USP35: variants seen among roughly 807,000 people sequenced by gnomAD.
USP35 encodes the protein ubiquitin carboxyl-terminal hydrolase 35.
In USP35, 69 loss-of-function variants were observed where a neutral mutation model predicts 83.8. The observed-to-expected ratio is 0.82, with a 90% CI of 0.68 to 1.01. The LOEUF is 1.01. Among genes scored for constraint, USP35 ranks in the 50% least tolerant of loss-of-function variants. The pLI is 0.00. For missense variants in USP35, 1,503 were observed against 1,362.5 expected (o/e 1.10, Z -1.62); for synonymous variants, 714 against 589.5 (o/e 1.21, Z -3.06).
the USP35 span, among the ~76,000 whole-genome samples, chr11:78,222,525 ATATT>A: frequency 1.3e-4 from 19 of 148,272 alleles, no homozygotes; most frequent in African/African-American, 3.9e-4. Context: ...TATATAAAAT[ATATT>A]TATATATTAA....
chr11:78,194,231 C>G (rs983217346), intron 1 of USP35, among the ~76,000 whole-genome samples: 31 of 152,286 alleles, frequency 2.0e-4, no homozygotes, highest in Admixed American at 1.2e-3. Flanking sequence ...TGGAGCTCAG[C>G]CTGGTGAGAG....
rs139748612 is a variant in USP35 at position 78,214,377 on chromosome 11, T to TGGGGGGGGGGGGGGG, written c.*564_*565insGGGGGGGGGGGGGGG. ...CCTTACCAAGCGCCACTGCATGGTT[T>TGGGGGGGGGGGGGGG]TGGGGGGGGGGGCGGGGGGCTAGCT... is the stretch of plus-strand genomic sequence containing the variant. On this transcript the variant is annotated 3_prime_UTR_variant, in exon 11 of 11. Transcript: ENST00000529308. The TGGGGGGGGGGGGGGG allele has an allele frequency of 5.7e-5, 3 of 52,886 alleles. No homozygotes were observed. The highest frequency in any genetic ancestry group is 8.9e-5 in the Non-Finnish European group (2 of 22,408). The allele number at this position is 52,886 out of a possible 1,614,324, so 3.3% of individuals were successfully genotyped here. A position where few individuals can be genotyped will look rare whatever the true frequency, so the allele number is the denominator to read the frequency against.
chr11:78,198,097 G>A (rs1401544922), intron 3 of USP35, 29 bp downstream of exon 3: 1 of 1,613,406 alleles, frequency 6.2e-7, no homozygotes. Context: ...GCCATGATCA[G>A]GGCTGGGGCC....
chr11:78,209,632 T>C lies in USP35; in HGVS notation c.1777T>C (p.Phe593Leu). 1.2e-6 allele frequency: 2 copies of C among 1,614,046 alleles called. No homozygotes were observed. Among genetic ancestry groups the C allele is most frequent in the Non-Finnish European group, 1.7e-6 (2 of 1,179,974 alleles). The change falls in exon 10 of 11, where the codon TTC becomes CTC. Residue 593 changes from phenylalanine (F) to leucine (L), a missense_variant. Coordinates refer to ENST00000529308, the MANE Select transcript of USP35 (RefSeq NM_020798.4). ...CLNVSSREEA[F>L]TDLSLAFPPP... ...CAACGTCTCCTCCCGGGAGGAGGCC[T>C]TCACGGACCTCTCTCTCGCCTTCCC...
chr11:78,215,837 G>A (rs1181707829), downstream of USP35: 2 of 152,694 alleles, frequency 1.3e-5, no homozygotes, highest in African/African-American at 2.4e-5. Flanking sequence ...TGAAGGCCCA[G>A]ATGGGGAAGG....
At chr11:78,233,039 A>ATTTT in the USP35 span, among the ~76,000 whole-genome samples, 1 of 116,814 alleles carries the variant, frequency 8.6e-6, no homozygotes, top group Non-Finnish European at 1.7e-5. Context: ...GGCACTGTTA[A>ATTTT]GTTTTTTTTT....
intron 4 of USP35, 89 bp downstream of exon 4, chr11:78,199,813 G>C (rs1478613996): frequency 6.3e-6 from 10 of 1,590,576 alleles, no homozygotes; most frequent in Non-Finnish European, 8.6e-6. Context: ...CAGAGCATTG[G>C]GCCTACCCAC....
the USP35 span, among the ~76,000 whole-genome samples, chr11:78,222,644 G>A: frequency 2.6e-5 from 4 of 151,742 alleles, no homozygotes; most frequent in Non-Finnish European, 2.9e-5. Context: ...GTGCAGCGGC[G>A]CAATCTCAGC....
At chr11:78,200,512 C>T in intron 5 of USP35, 138 bp from the exon 6 acceptor site, 1 of 1,286,082 alleles carries the variant, frequency 7.8e-7, no homozygotes, top group East Asian at 2.5e-5. Flanking sequence ...CTCAGAGCCC[C>T]ATCTGGGTCA....
intron 3 of USP35, chr11:78,198,881 A>G (rs1462940855): frequency 1.2e-5 from 2 of 173,168 alleles, no homozygotes; most frequent in Admixed American, 1.3e-4. Context: ...AAAACAAGAT[A>G]ATACACGAAA....
At chr11:78,199,173 A>G (rs1416125248) in intron 3 of USP35, 1 of 219,156 alleles carries the variant, frequency 4.6e-6, no homozygotes, top group East Asian at 1.1e-4. Context: ...TGAGGGAGGT[A>G]TTATCCCCAT....
rs755344642 is a variant in USP35, at chr11:78,198,086, A to G, written c.806+18A>G. ...ATTAGCAGGTGGGACGCTGAGGCTG[A>G]GCCATGATCAGGGCTGGGGCCCCTC... On this transcript the variant is annotated intron_variant, in intron 3 of 10. Coordinates refer to ENST00000529308, the MANE Select transcript of USP35 (RefSeq NM_020798.4). 7 of 1,613,832 alleles carry G rather than the reference A, an allele frequency of 4.3e-6. No homozygotes were observed. The highest frequency in any genetic ancestry group is 1.7e-5 in the Admixed American group (1 of 59,992).
chr11:78,223,790 G>C, the USP35 span: 15 of 886,982 alleles, frequency 1.7e-5, no homozygotes, highest in African/African-American at 2.5e-4. Flanking sequence ...GCTATACTTT[G>C]AAGCTGTAAG....
At position 78,196,819 on chromosome 11, in the gene USP35, G is replaced by A. The variant is rs1259624462; in HGVS notation, c.574G>A (p.Ala192Thr). 2 of 1,532,778 alleles carry A rather than the reference G, an allele frequency of 1.3e-6. No homozygotes were observed. The highest frequency in any genetic ancestry group is 1.2e-5 in the South Asian group (1 of 83,734). The allele number at this position is 1,532,778 out of a possible 1,614,324, so 94.9% of individuals were successfully genotyped here. ...GGGCGCCGTGGAGTTCCTAGAGCAG[G>A]CCCAGCAGGTGAGCGGGCTCCTGGC... ...EEGAVEFLEQ[A>T]QQVSGLLAQL... The change falls in exon 2 of 11, where the codon GCC becomes ACC. Residue 192 changes from alanine (A) to threonine (T), a missense_variant. By Grantham distance (58) the Ala-to-Thr change is moderately conservative. Transcript: ENST00000529308. The surrounding 1 kb of genome is among the most constrained non-coding windows in gnomAD (Gnocchi z 4.8).
chr11:78,212,334 A>G (rs774232094), intron 10 of USP35, among the ~76,000 whole-genome samples: 6 of 142,714 alleles, frequency 4.2e-5, no homozygotes, highest in Non-Finnish European at 8.8e-5. Context: ...CTACAAGGCT[A>G]CAGTAAGCAA....
chr11:78,217,588 T>C (rs2848980), downstream of USP35: 1 of 152,206 alleles, frequency 6.6e-6, no homozygotes, highest in East Asian at 1.9e-4. Flanking sequence ...GAATGAAACG[T>C]CTGGTCTGTC....
chr11:78,231,021 T>C, the USP35 span, among the ~76,000 whole-genome samples: 1 of 152,192 alleles, frequency 6.6e-6, no homozygotes, highest in Admixed American at 6.5e-5. Flanking sequence ...CCTTATAAAA[T>C]AGGCAAGATA....
At chr11:78,189,505 T>TG (rs747049660) in intron 1 of USP35, among the ~76,000 whole-genome samples, 9 of 152,044 alleles carry the variant, frequency 5.9e-5, no homozygotes, top group African/African-American at 2.2e-4. Flanking sequence ...TGGCACAAAC[T>TG]GGGGGGCCCG....
Position 78,214,267 on chromosome 11 carries a change from CCTGTTTGTTTGTTTCTCAT to C in USP35, c.*455_*473del, listed in dbSNP as rs1863970147. 1 of 132,378 alleles carries C rather than the reference CCTGTTTGTTTGTTTCTCAT, an allele frequency of 7.6e-6. No individual in the cohort carries two copies. Among genetic ancestry groups the C allele is most frequent in the Non-Finnish European group, 1.5e-5 (1 of 64,884 alleles). 8.2% of individuals were successfully genotyped at this position (132,378 alleles called of 1,614,324 possible). On this transcript the variant is annotated 3_prime_UTR_variant, in exon 11 of 11. Coordinates refer to ENST00000529308, the MANE Select transcript of USP35 (RefSeq NM_020798.4). ...GGGGGGCAGTGTCTCCTCTGGCTGT[CCTGTTTGTTTGTTTCTCAT>C]ATGGGGGTGGGGGGTACCTGCACTG...
Sources: allele counts gnomAD v4.1 joint callset (sites outside exome capture counted in the v4.1 genomes callset), GRCh38; gene constraint gnomAD v4.1.1; non-coding constraint Gnocchi (gnomAD v3.1); transcripts MANE v1.5; gene names NCBI Gene and HGNC (gene_info 2026-07-23, HGNC 2026-07-21).